Variants in CRELD1 observed in about 807,000 individuals in gnomAD.
CRELD1 encodes protein disulfide isomerase CRELD1.
A neutral mutation model predicts 58.2 loss-of-function variants in CRELD1; 42 were observed. That is an observed-to-expected ratio of 0.72 (90% CI 0.56 to 0.93). CRELD1 has a LOEUF of 0.93. CRELD1 is among the 40% of genes least tolerant of loss of function. CRELD1 has a pLI of 0.00. For missense variants in CRELD1, 500 were observed against 540.6 expected, an observed-to-expected ratio of 0.92 and a Z score of 0.74; for synonymous variants, 222 against 202.0, an observed-to-expected ratio of 1.10 and a Z score of -0.84.
At chr3:9,943,551 C>G (rs368360775) in intron 10 of CRELD1, 36 bp downstream of exon 10, 2 of 1,613,526 alleles carry the variant, frequency 1.2e-6, no homozygotes, top group East Asian at 2.2e-5. Flanking sequence ...GGTCCTCATT[C>G]AAAGAGAAGG....
intron 3 of CRELD1, among the ~76,000 whole-genome samples, chr3:9,935,453 T>G (rs945874612): frequency 6.6e-6 from 1 of 152,164 alleles, no homozygotes; most frequent in East Asian, 1.9e-4. Context: ...TACTGTCTTC[T>G]CTACACCTTT....
chr3:9,937,898 G>T, intron 4 of CRELD1, 117 bp from the exon 5 acceptor site: 1 of 809,356 alleles, frequency 1.2e-6, no homozygotes, highest in Non-Finnish European at 2.1e-6. Context: ...TGGCCTTTTG[G>T]GTCTTATGTC....
In CRELD1 at chr3:9,943,161, C is replaced by T; in HGVS notation, c.902C>T (p.Ser301Phe). The T allele has an allele frequency of 6.2e-7, 1 of 1,612,970 alleles. No homozygotes were observed. The highest frequency in any genetic ancestry group is 8.5e-7 in the Non-Finnish European group (1 of 1,179,856). ...AGCCCTGGCTATCAGCAGGTGGGCT[C>T]CAAGTGTCTCGGTGAGTCTCCTGCT... ...KCSPGYQQVG[S>F]KCLDVDECET... The change falls in exon 9 of 11, where the codon TCC becomes TTC. Residue 301 changes from serine to phenylalanine, a missense_variant. Physicochemically the swap from Ser to Phe is radical, Grantham distance 155. Transcript: ENST00000452070.
intron 7 of CRELD1, among the ~76,000 whole-genome samples, chr3:9,941,789 CAAAAAA>C (rs34088708): frequency 4.8e-5 from 1 of 20,628 alleles, no homozygotes; most frequent in Non-Finnish European, 1.0e-4. Flanking sequence ...GACTCCATCT[CAAAAAA>C]AAAAAAAAAA....
chr3:9,941,615 C>G (rs535950089), intron 7 of CRELD1, among the ~76,000 whole-genome samples: 1 of 151,906 alleles, frequency 6.6e-6, no homozygotes, highest in African/African-American at 2.4e-5. Flanking sequence ...ATGGTGAAAC[C>G]CTGTCTCAAC....
Position 9,944,505 on chromosome 3 carries a change from G to A in CRELD1, c.1189G>A (p.Val397Met). 6.2e-7 allele frequency: 1 copy of A among 1,612,886 alleles called. No individual in the cohort carries two copies. The change falls in exon 11 of 11, where the codon GTG becomes ATG. Residue 397 changes from valine (V) to methionine (M), a missense_variant. Val to Met is a conservative substitution (Grantham distance 21, BLOSUM62 1). Coordinates refer to ENST00000452070, the MANE Select transcript of CRELD1 (RefSeq NM_001077415.3). ...GTTCACCGCCATCTTCATTGGGGCTGTGGCGGCCATGACTGGCTACTGGTT... is the reference window on the plus strand; with the variant it reads ...GTTCACCGCCATCTTCATTGGGGCTATGGCGGCCATGACTGGCTACTGGTT... ...LVFTAIFIGA[V>M]AAMTGYWLSE...
intron 3 of CRELD1, chr3:9,935,134 T>C: frequency 1.9e-6 from 1 of 540,128 alleles, no homozygotes; most frequent in South Asian, 2.1e-5. Context: ...GTGAATAATA[T>C]TATGTCAGAT....
Position 9,943,529 on chromosome 3 carries a change from C to T in CRELD1, c.1048+14C>T, listed in dbSNP as rs200039792. ...AGCAGATCCCAGGTGAGCCCTGGGG[C>T]GGGAGAGGGGAGGTCCTCATTCAAA... On this transcript the variant is annotated intron_variant, in intron 10 of 10. Transcript: ENST00000452070. The T allele has an allele frequency of 1.3e-4, 212 of 1,613,890 alleles. 3 individuals are homozygous for T. Among genetic ancestry groups the T allele is most frequent in the East Asian group, 7.4e-4 (33 of 44,848 alleles).
intron 10 of CRELD1, 63 bp from the exon 11 acceptor site, chr3:9,944,302 G>T: frequency 7.1e-7 from 1 of 1,409,202 alleles, no homozygotes; most frequent in South Asian, 1.2e-5. Context: ...GTTCTGGGGA[G>T]ACTCCAAGAA....
intron 10 of CRELD1, 24 bp downstream of exon 10, chr3:9,943,539 G>C: frequency 6.2e-7 from 1 of 1,613,932 alleles, no homozygotes; most frequent in Non-Finnish European, 8.5e-7. Flanking sequence ...CGGGAGAGGG[G>C]AGGTCCTCAT....
chr3:9,937,473 C>A, intron 3 of CRELD1, 89 bp from the exon 4 acceptor site: 1 of 868,448 alleles, frequency 1.2e-6, no homozygotes, highest in Non-Finnish European at 1.9e-6. Flanking sequence ...TTGATATTTT[C>A]ACCGCACGAG....
In CRELD1 at chr3:9,942,954, C is replaced by T. The variant is rs538138941; in HGVS notation, c.817+58C>T. The T allele has an allele frequency of 1.2e-4, 181 of 1,547,868 alleles. No homozygotes were observed. The East Asian group carries it at 3.9e-3, about 34-fold the overall frequency. ...GAGGAGTGGAGGAAGAGCTGCTCCA[C>T]ACCTGTCCCTCCAAACCTTCCCCTT... On this transcript the variant is annotated intron_variant, in intron 8 of 10. Coordinates refer to ENST00000452070, the MANE Select transcript of CRELD1 (RefSeq NM_001077415.3).
chr3:9,943,693 TATACCTTCCAGGGTACAAA>T lies in CRELD1; in HGVS notation c.1048+179_1048+197del, dbSNP rs2085435184. The T allele has an allele frequency of 1.1e-5, 11 of 985,362 alleles. No individual in the cohort carries two copies. The South Asian group carries it at 4.7e-4, about 42-fold the overall frequency. The allele number at this position is 985,362 out of a possible 1,614,324, so 61.0% of individuals were successfully genotyped here. On this transcript the variant is annotated intron_variant, in intron 10 of 10. Coordinates refer to ENST00000452070, the MANE Select transcript of CRELD1 (RefSeq NM_001077415.3). ...TCTCCAGGTTGGCTCTCAGCAGCCT[TATACCTTCCAGGGTACAAA>T]GGGAATCAGACCTGGCATCAAATCA...
intron 1 of CRELD1, 38 bp downstream of exon 1, chr3:9,933,958 T>G: frequency 2.9e-6 from 1 of 341,134 alleles, no homozygotes; most frequent in Non-Finnish European, 5.4e-6. Context: ...GGCCGTGCCT[T>G]TGCCCTTCTG....
At position 9,944,766 on chromosome 3, in the gene CRELD1, C is replaced by T; in HGVS notation, c.*187C>T. On this transcript the variant is annotated 3_prime_UTR_variant, in exon 11 of 11. Transcript: ENST00000452070. ...AAGGCCCCTGGGGTAAAAAGTAGCCCTGAAGGTGGATACCATGAGCTCTTC... is the reference window on the plus strand; with the variant it reads ...AAGGCCCCTGGGGTAAAAAGTAGCCTTGAAGGTGGATACCATGAGCTCTTC... 1.6e-6 allele frequency: 1 copy of T among 629,180 alleles called. No homozygotes were observed. Among genetic ancestry groups the T allele is most frequent in the South Asian group, 1.8e-5 (1 of 55,480 alleles). 39.0% of individuals were successfully genotyped at this position (629,180 alleles called of 1,614,324 possible).
Position 9,940,862 on chromosome 3 carries a change from G to GA in CRELD1, c.475dup (p.Thr159AsnfsTer12). On this transcript the variant is annotated frameshift_variant, in exon 6 of 11. Coordinates refer to ENST00000452070, the MANE Select transcript of CRELD1 (RefSeq NM_001077415.3). LOFTEE classifies it high-confidence loss of function. ...TGTCTTCCCACAGCCTGTCCTGGGG[G>GA]AACAGAGAGGCCCTGCGGTGGCTAC... The GA allele has an allele frequency of 6.2e-7, 1 of 1,613,992 alleles. No homozygotes were observed. Among genetic ancestry groups the GA allele is most frequent in the Non-Finnish European group, 8.5e-7 (1 of 1,179,972 alleles).
At chr3:9,938,181 GT>G in intron 5 of CRELD1, 75 bp downstream of exon 5, 1 of 1,170,210 alleles carries the variant, frequency 8.5e-7, no homozygotes. Flanking sequence ...TCTGTCCCTA[GT>G]TCGCTGTGTG....
chr3:9,941,817 TGAG>T (rs2085377996), intron 7 of CRELD1, among the ~76,000 whole-genome samples: 1 of 97,964 alleles, frequency 1.0e-5, no homozygotes, highest in East Asian at 2.9e-4. Flanking sequence ...AAAAAAAAAA[TGAG>T]GAAGGGTTGG....
At chr3:9,934,360 T>C in intron 1 of CRELD1, 60 bp from the exon 2 acceptor site, 1 of 1,370,372 alleles carries the variant, frequency 7.3e-7, no homozygotes. Flanking sequence ...ACAGACCTTT[T>C]TCTTTCTCGC....
Sources: allele counts gnomAD v4.1 joint callset (sites outside exome capture counted in the v4.1 genomes callset), GRCh38; gene constraint gnomAD v4.1.1; transcripts MANE v1.5; gene names NCBI Gene and HGNC (gene_info 2026-07-23, HGNC 2026-07-21).